The following EYS variants were observed in gnomAD, a reference collection of about 807,000 sequenced individuals.
EYS encodes EGF-like photoreceptor maintenance factor.
In EYS, 250 loss-of-function variants were observed where a neutral mutation model predicts 282.1. That is an observed-to-expected ratio of 0.89 (90% CI 0.80 to 0.98). The LOEUF (loss-of-function observed/expected upper bound fraction) is 0.98. Among genes scored for constraint, EYS ranks in the 50% least tolerant of loss-of-function variants. EYS has a pLI of 0.00. For missense variants in EYS, 4,016 were observed against 3,709.0 expected (o/e 1.08, Z -2.15); for synonymous variants, 1,355 against 1,282.9 (o/e 1.06, Z -1.20).
intron 5 of EYS, among the ~76,000 whole-genome samples, chr6:65,480,990 G>A (rs1765587897): frequency 6.6e-6 from 1 of 152,074 alleles, no homozygotes; most frequent in Non-Finnish European, 1.5e-5. Context: ...GGACAGTTTG[G>A]TTACTGGATA....
intron 30 of EYS, among the ~76,000 whole-genome samples, chr6:64,278,353 GC>G (rs1694388323): frequency 6.6e-6 from 1 of 152,014 alleles, no homozygotes; most frequent in Non-Finnish European, 1.5e-5. Context: ...ATTTTTAGAA[GC>G]TTTTTAATAA....
chr6:64,417,975 G>A (rs563461182), intron 28 of EYS, among the ~76,000 whole-genome samples: 4 of 152,152 alleles, frequency 2.6e-5, no homozygotes, highest in South Asian at 2.1e-4. Flanking sequence ...CCTGGCCTAC[G>A]GTCTTGCTAT....
intron 22 of EYS, among the ~76,000 whole-genome samples, chr6:64,744,577 A>G (rs1772490547): frequency 6.6e-6 from 1 of 152,194 alleles, no homozygotes; most frequent in African/African-American, 2.4e-5. Flanking sequence ...TGGCATTTAT[A>G]TTAACAAAAT....
chr6:65,688,745 T>C (rs1262266498), intron 1 of EYS, among the ~76,000 whole-genome samples: 1 of 152,096 alleles, frequency 6.6e-6, no homozygotes, highest in Non-Finnish European at 1.5e-5. Context: ...AAAGAAGACA[T>C]TTAAGCAGCC....
At chr6:63,787,387 G>A (rs1035908811) in intron 39 of EYS, 1 of 152,148 alleles carries the variant, frequency 6.6e-6, no homozygotes, top group African/African-American at 2.4e-5. Context: ...AAGTTAGATG[G>A]ACTTTCAATT....
intron 31 of EYS, among the ~76,000 whole-genome samples, chr6:64,118,472 A>G (rs1297567625): frequency 1.3e-5 from 2 of 152,258 alleles, no homozygotes; most frequent in Admixed American, 6.5e-5. Context: ...TGCTGGGAAA[A>G]CTAGGTATCC....
chr6:64,819,382 T>C (rs1470083370), intron 21 of EYS, among the ~76,000 whole-genome samples: 3 of 152,104 alleles, frequency 2.0e-5, no homozygotes, highest in Non-Finnish European at 1.5e-5. Context: ...CTATAACAAT[T>C]ATTCTAGATA....
chr6:65,175,499 T>C (rs947128400), intron 12 of EYS, among the ~76,000 whole-genome samples: 2 of 151,168 alleles, frequency 1.3e-5, no homozygotes, highest in African/African-American at 2.4e-5. Context: ...CTGGAATAAG[T>C]GGTGCTCTCA....
intron 11 of EYS, among the ~76,000 whole-genome samples, chr6:65,333,707 C>T (rs1267558929): frequency 2.0e-5 from 3 of 150,660 alleles, no homozygotes; most frequent in Admixed American, 6.7e-5. Context: ...TATTTTGAGG[C>T]TCTGTTGTTA....
At position 65,344,189 on chromosome 6, in the gene EYS, A is replaced by C. The variant is rs765588397; in HGVS notation, c.1460-12T>G. 1.9e-6 allele frequency: 3 copies of C among 1,595,742 alleles called. No individual in the cohort carries two copies. The Admixed American group carries it at 5.0e-5, about 27-fold the overall frequency. On this transcript the variant is annotated splice_polypyrimidine_tract_variant and intron_variant, in intron 9 of 42. Transcript: ENST00000503581. ...TTCGCCTTCAGATCCTTTAAAAAAAAAGAGATAAAAAATTAAATAAACTCT... is the reference window on the plus strand; with the variant it reads ...TTCGCCTTCAGATCCTTTAAAAAAACAGAGATAAAAAATTAAATAAACTCT...
At chr6:64,854,875 T>C (rs948646677) in intron 19 of EYS, among the ~76,000 whole-genome samples, 4 of 152,118 alleles carry the variant, frequency 2.6e-5, no homozygotes, top group African/African-American at 9.7e-5. Flanking sequence ...ATTAATTTGT[T>C]GTGAAGTGAT....
chr6:64,923,160 G>C (rs532260428), intron 15 of EYS, among the ~76,000 whole-genome samples: 1 of 151,888 alleles, frequency 6.6e-6, no homozygotes, highest in South Asian at 2.1e-4. Flanking sequence ...GGGAAAAAAA[G>C]GTTTCATTGG....
chr6:64,565,040 T>A (rs993613988), intron 26 of EYS, among the ~76,000 whole-genome samples: 1 of 152,172 alleles, frequency 6.6e-6, no homozygotes, highest in African/African-American at 2.4e-5. Flanking sequence ...TTTGACTTTC[T>A]TATGTATTTT....
chr6:64,184,380 G>A (rs1582395502), intron 31 of EYS, among the ~76,000 whole-genome samples: 1 of 152,248 alleles, frequency 6.6e-6, no homozygotes, highest in South Asian at 2.1e-4. Context: ...TCATTTTAAA[G>A]TTTTCTTCTT....
chr6:64,286,038 T>A (rs1768487564), intron 30 of EYS, among the ~76,000 whole-genome samples: 2 of 152,324 alleles, frequency 1.3e-5, no homozygotes, highest in South Asian at 2.1e-4. Context: ...CCACATATGT[T>A]ATATTAGCAA....
At chr6:63,847,105 A>G (rs1772119818) in intron 36 of EYS, among the ~76,000 whole-genome samples, 2 of 152,060 alleles carry the variant, frequency 1.3e-5, no homozygotes, top group South Asian at 4.1e-4. Flanking sequence ...GGTATTTATA[A>G]CTCCCTTTTG....
intron 41 of EYS, among the ~76,000 whole-genome samples, chr6:63,752,647 C>A (rs1264311691): frequency 6.6e-6 from 1 of 151,942 alleles, no homozygotes; most frequent in Non-Finnish European, 1.5e-5. Context: ...CACCCACCAC[C>A]ATGCCTGGCT....
chr6:64,894,368 C>T (rs532970323), intron 18 of EYS, among the ~76,000 whole-genome samples: 1 of 152,152 alleles, frequency 6.6e-6, no homozygotes, highest in Admixed American at 6.5e-5. Flanking sequence ...ACATATAAAT[C>T]AGAGAAACAG....
At chr6:64,980,169 A>G (rs1472820880) in intron 14 of EYS, among the ~76,000 whole-genome samples, 1 of 151,566 alleles carries the variant, frequency 6.6e-6, no homozygotes, top group Admixed American at 6.6e-5. Context: ...TTCCTTCTCT[A>G]TAAAAAAAAT....
Sources: gnomAD v4.1 joint callset for allele counts (sites outside exome capture counted in the v4.1 genomes callset) on GRCh38, gnomAD v4.1.1 for gene constraint, MANE v1.5 for transcripts, NCBI Gene and HGNC (gene_info 2026-07-23, HGNC 2026-07-21) for gene names.